The following FOXP2 variants were observed in gnomAD, a reference collection of about 807,000 sequenced individuals.
FOXP2 encodes forkhead box P2.
A neutral mutation model predicts 115.8 loss-of-function variants in FOXP2; 12 were observed. The observed-to-expected ratio is 0.10, with a 90% CI of 0.07 to 0.17. The LOEUF is 0.17. FOXP2 is among the 10% of genes least tolerant of loss of function. The pLI is 1.00. For synonymous variants in FOXP2, 328 were observed against 297.7 expected (o/e 1.10, Z -1.05); for missense variants, 629 against 843.5 (o/e 0.75, Z 3.15).
intron 3 of FOXP2, among the ~76,000 whole-genome samples, chr7:114,546,584 A>G (rs577056357): frequency 4.6e-5 from 7 of 152,260 alleles, no homozygotes; most frequent in Admixed American, 1.3e-4. Context: ...ATCTGTTTAG[A>G]AGGTCATTCC....
intron 1 of FOXP2, among the ~76,000 whole-genome samples, chr7:114,153,699 G>T (rs1584510696): frequency 6.6e-6 from 1 of 152,088 alleles, no homozygotes; most frequent in East Asian, 1.9e-4. Context: ...TCTCAGAGGT[G>T]CTAATCTCAT....
chr7:114,535,379 T>C (rs914505411), intron 3 of FOXP2, among the ~76,000 whole-genome samples: 1 of 151,600 alleles, frequency 6.6e-6, no homozygotes, highest in Non-Finnish European at 1.5e-5. Context: ...TTTGACTGTT[T>C]GGAAGGTAAA....
intron 2 of FOXP2, among the ~76,000 whole-genome samples, chr7:114,388,895 G>T (rs1339208933): frequency 2.0e-5 from 3 of 152,106 alleles, no homozygotes; most frequent in Non-Finnish European, 4.4e-5. Flanking sequence ...AATCATTTAG[G>T]CCACTATAGA....
At chr7:114,336,141 G>C (rs760519439) in intron 2 of FOXP2, among the ~76,000 whole-genome samples, 1 of 151,520 alleles carries the variant, frequency 6.6e-6, no homozygotes, top group South Asian at 2.1e-4. Context: ...AGTGAGTGCT[G>C]TAAGAATATT....
At chr7:114,224,873 TAAGATAAGAG>T (rs748472621) in intron 1 of FOXP2, among the ~76,000 whole-genome samples, 16 of 152,310 alleles carry the variant, frequency 1.1e-4, no homozygotes, top group Non-Finnish European at 1.9e-4. Context: ...GAATGAGCTA[TAAGATAAGAG>T]AAGCTCTATT....
chr7:114,485,250 G>A (rs753124013), intron 2 of FOXP2, among the ~76,000 whole-genome samples: 17 of 151,776 alleles, frequency 1.1e-4, no homozygotes, highest in Non-Finnish European at 1.0e-4. Flanking sequence ...CCTCACCTAC[G>A]TATGGTTTAA....
intron 6 of FOXP2, among the ~76,000 whole-genome samples, chr7:114,638,448 A>T (rs796784999): frequency 7.9e-5 from 12 of 152,302 alleles, no homozygotes; most frequent in African/African-American, 2.9e-4. Context: ...CTGCCTCAAG[A>T]ATAACCTAGA....
chr7:114,366,938 A>G (rs182144600), intron 2 of FOXP2, among the ~76,000 whole-genome samples: 2 of 152,242 alleles, frequency 1.3e-5, no homozygotes, highest in East Asian at 3.9e-4. Flanking sequence ...TTGGATATTA[A>G]GGAATTCAAA....
chr7:114,362,170 A>G (rs530901958), intron 2 of FOXP2, among the ~76,000 whole-genome samples: 1 of 152,214 alleles, frequency 6.6e-6, no homozygotes, highest in African/African-American at 2.4e-5. Flanking sequence ...AAAAATTGAG[A>G]TTCATAATCA....
chr7:114,518,024 A>G (rs777361741), intron 2 of FOXP2, among the ~76,000 whole-genome samples: 9 of 152,112 alleles, frequency 5.9e-5, no homozygotes, highest in South Asian at 2.1e-4. Flanking sequence ...ATCATTTTCT[A>G]TGTACAGATC....
chr7:114,570,294 G>A (rs1801228463), intron 3 of FOXP2, among the ~76,000 whole-genome samples: 1 of 151,826 alleles, frequency 6.6e-6, no homozygotes, highest in Non-Finnish European at 1.5e-5. Context: ...ATATAATAAT[G>A]CATAACCACA....
chr7:114,615,128 A>G (rs1475901041), intron 3 of FOXP2, among the ~76,000 whole-genome samples: 1 of 152,082 alleles, frequency 6.6e-6, no homozygotes, highest in Non-Finnish European at 1.5e-5. Flanking sequence ...CTGAGTCAGG[A>G]AAATCATTTC....
intron 2 of FOXP2, among the ~76,000 whole-genome samples, chr7:114,387,337 A>C (rs1792478500): frequency 6.6e-6 from 1 of 152,158 alleles, no homozygotes; most frequent in South Asian, 2.1e-4. Flanking sequence ...TCTCTTGAGG[A>C]AGTTATATTC....
intron 2 of FOXP2, among the ~76,000 whole-genome samples, chr7:114,433,574 A>G (rs183331798): frequency 6.6e-6 from 1 of 152,048 alleles, no homozygotes; most frequent in African/African-American, 2.4e-5. Flanking sequence ...ATTAGTTTTT[A>G]TTTATCGTAG....
At chr7:114,180,767 A>T (rs1006360006) in intron 1 of FOXP2, among the ~76,000 whole-genome samples, 1 of 151,850 alleles carries the variant, frequency 6.6e-6, no homozygotes, top group Admixed American at 6.6e-5. Flanking sequence ...TCCAAAATAG[A>T]TTCCAGATGT....
At chr7:114,472,881 A>G (rs1223147805) in intron 2 of FOXP2, among the ~76,000 whole-genome samples, 2 of 152,108 alleles carry the variant, frequency 1.3e-5, no homozygotes. Context: ...GTCTAGAGGA[A>G]AAAATATTAT....
chr7:114,481,774 A>G (rs1796550920), intron 2 of FOXP2, among the ~76,000 whole-genome samples: 2 of 148,108 alleles, frequency 1.4e-5, no homozygotes, highest in African/African-American at 2.5e-5. Flanking sequence ...CTATCTATCT[A>G]TCTATCTATC....
At chr7:114,317,427 G>A (rs1797301575) in intron 2 of FOXP2, among the ~76,000 whole-genome samples, 1 of 152,160 alleles carries the variant, frequency 6.6e-6, no homozygotes, top group Non-Finnish European at 1.5e-5. Context: ...ACCTTGCAGT[G>A]CTTTGCACAT....
At chr7:114,108,586 A>AT (rs1258462274) in intron 1 of FOXP2, among the ~76,000 whole-genome samples, 1 of 151,934 alleles carries the variant, frequency 6.6e-6, no homozygotes, top group African/African-American at 2.4e-5. Context: ...TAAAATGGGG[A>AT]TTATTTACAT....
Sources: gnomAD v4.1 joint callset for allele counts (sites outside exome capture counted in the v4.1 genomes callset) on GRCh38, gnomAD v4.1.1 for gene constraint, MANE v1.5 for transcripts, NCBI Gene and HGNC (gene_info 2026-07-23, HGNC 2026-07-21) for gene names.